Variants in MYRFL observed in about 807,000 individuals in gnomAD.
The protein encoded by MYRFL is myelin regulatory factor-like protein.
Under a neutral mutation model 109.4 loss-of-function variants are expected in MYRFL, and 88 were observed. That is an observed-to-expected ratio of 0.80 (90% confidence interval 0.68 to 0.96). The LOEUF (loss-of-function observed/expected upper bound fraction) is 0.96, where lower values mean the gene tolerates loss of function less well. Among genes scored for constraint, MYRFL ranks in the 40% least tolerant of loss-of-function variants. The pLI is 0.00. For synonymous variants in MYRFL, 324 were observed against 320.9 expected (o/e 1.01, Z -0.10); for missense variants, 957 against 954.9 (o/e 1.00, Z -0.03).
chr12:69,957,367 A>C (rs1956119666), intron 22 of MYRFL, among the ~76,000 whole-genome samples: 1 of 152,224 alleles, frequency 6.6e-6, no homozygotes, highest in Non-Finnish European at 1.5e-5. Context: ...AATATATCCA[A>C]AAATTATAAA....
In MYRFL at chr12:69,825,308, T is replaced by C. The variant is rs1592664429; in HGVS notation, c.-210T>C. 1.4e-6 allele frequency: 1 copy of C among 693,366 alleles called. No individual in the cohort carries two copies. Among genetic ancestry groups the C allele is most frequent in the East Asian group, 2.7e-5 (1 of 37,000 alleles). 43.0% of individuals were successfully genotyped at this position (693,366 alleles called of 1,614,324 possible). ...CATGAATTTTTTTTAAATGTATGGT[T>C]GTATATCCTTCCAGTTTTATAATCA... On this transcript the variant is annotated 5_prime_UTR_variant, in exon 1 of 25. Transcript: ENST00000552032.
intron 13 of MYRFL, among the ~76,000 whole-genome samples, chr12:69,920,734 C>T (rs1481703510): frequency 3.3e-5 from 5 of 152,114 alleles, no homozygotes; most frequent in Non-Finnish European, 5.9e-5. Context: ...GAGCATGGAG[C>T]GTGAAGAGGG....
chr12:69,909,253 C>T (rs1398351306), intron 11 of MYRFL, among the ~76,000 whole-genome samples: 1 of 152,202 alleles, frequency 6.6e-6, no homozygotes, highest in East Asian at 1.9e-4. Context: ...TCTTTCACAA[C>T]CAGTCCAACT....
intron 2 of MYRFL, among the ~76,000 whole-genome samples, chr12:69,859,867 C>T (rs1884530232): frequency 6.6e-6 from 1 of 152,150 alleles, no homozygotes; most frequent in Non-Finnish European, 1.5e-5. Flanking sequence ...TGTGGCAATT[C>T]CTCAGGCATC....
intron 10 of MYRFL, 150 bp from the exon 11 acceptor site, chr12:69,903,494 A>T (rs1954254959): frequency 2.3e-6 from 2 of 883,648 alleles, no homozygotes; most frequent in African/African-American, 1.7e-5. Flanking sequence ...CCCCGGAATT[A>T]CTTGGATATG....
intron 2 of MYRFL, among the ~76,000 whole-genome samples, chr12:69,873,322 C>G (rs1250375009): frequency 6.6e-6 from 1 of 152,144 alleles, no homozygotes; most frequent in Non-Finnish European, 1.5e-5. Flanking sequence ...CTGCATCCGT[C>G]CTGGGCTGCA....
At chr12:69,847,379 C>T (rs1883621482) in intron 1 of MYRFL, among the ~76,000 whole-genome samples, 1 of 152,084 alleles carries the variant, frequency 6.6e-6, no homozygotes. Context: ...ATTCATTCAA[C>T]AAATATTGTT....
At chr12:69,840,453 C>G (rs1052264735) in intron 1 of MYRFL, among the ~76,000 whole-genome samples, 2 of 152,090 alleles carry the variant, frequency 1.3e-5, no homozygotes, top group African/African-American at 4.8e-5. Context: ...CTCTCTACTC[C>G]CCAAGTTGTA....
intron 1 of MYRFL, among the ~76,000 whole-genome samples, chr12:69,839,059 G>T (rs978755077): frequency 6.6e-6 from 1 of 152,092 alleles, no homozygotes; most frequent in African/African-American, 2.4e-5. Flanking sequence ...AATGAAGGAT[G>T]GATTCATCTG....
At position 69,856,289 on chromosome 12, in the gene MYRFL, G is replaced by C. The variant is rs553842870; in HGVS notation, c.137+919G>C. ...TACCTTTAAGTGATTATAACAGCTTGTTTAGCCATTTATCTGTTCAAGGAC... is the reference window on the plus strand; with the variant it reads ...TACCTTTAAGTGATTATAACAGCTTCTTTAGCCATTTATCTGTTCAAGGAC... On this transcript the variant is annotated intron_variant, in intron 2 of 24. Coordinates refer to ENST00000552032, the MANE Select transcript of MYRFL (RefSeq NM_182530.3). Among the ~76,000 whole-genome samples, 6 of 152,202 alleles carry C rather than the reference G, an allele frequency of 3.9e-5. No homozygotes were observed. The South Asian group carries it at 1.0e-3, about 26-fold the overall frequency.
rs1479325483 is a variant in MYRFL at position 69,936,133 on chromosome 12, T to C, written c.1937T>C (p.Leu646Pro). The stretch of plus-strand genomic sequence containing the variant: ...GACAGTGCTTTGACGATAGTTGCCC[T>C]CTATATACTTAGCTTAAAAGATCAA... ...MAFCALTIVALYILSLKDQDR... is the reference protein window; with the variant it reads ...MAFCALTIVAPYILSLKDQDR... The change falls in exon 17 of 25, where the codon CTC becomes CCC. Residue 646 changes from leucine to proline, a missense_variant. Transcript: ENST00000552032. 5.2e-6 allele frequency: 5 copies of C among 957,990 alleles called. No individual in the cohort carries two copies. Among genetic ancestry groups the C allele is most frequent in the Admixed American group, 2.4e-5 (1 of 41,146 alleles). The allele number at this position is 957,990 out of a possible 1,614,324, so 59.3% of individuals were successfully genotyped here. A position where few individuals can be genotyped will look rare whatever the true frequency, so the allele number is the denominator to read the frequency against.
At chr12:69,915,169 T>C (rs1431137931) in intron 13 of MYRFL, among the ~76,000 whole-genome samples, 1 of 152,176 alleles carries the variant, frequency 6.6e-6, no homozygotes, top group East Asian at 1.9e-4. Flanking sequence ...AAGCAGTATG[T>C]ACAGCGAGCC....
chr12:69,863,285 C>G (rs968642786), intron 2 of MYRFL, among the ~76,000 whole-genome samples: 1 of 152,122 alleles, frequency 6.6e-6, no homozygotes, highest in Non-Finnish European at 1.5e-5. Context: ...AGGGAGGGTT[C>G]CCTCTTTTTC....
intron 15 of MYRFL, among the ~76,000 whole-genome samples, chr12:69,931,235 C>T (rs1401389798): frequency 1.3e-5 from 2 of 152,044 alleles, no homozygotes; most frequent in African/African-American, 2.4e-5. Context: ...AAGCACTTAC[C>T]CTGAGACTAA....
chr12:69,829,115 T>G (rs1227668833), intron 1 of MYRFL, among the ~76,000 whole-genome samples: 1 of 151,978 alleles, frequency 6.6e-6, no homozygotes, highest in Non-Finnish European at 1.5e-5. Flanking sequence ...TCTGGCTCAC[T>G]TGTTGAGGTT....
chr12:69,923,817 G>C (rs1393188267), intron 13 of MYRFL, among the ~76,000 whole-genome samples: 2 of 151,798 alleles, frequency 1.3e-5, no homozygotes, highest in Admixed American at 1.3e-4. Context: ...TACCCAATTA[G>C]GCTTATTTGT....
At chr12:69,859,200 A>G (rs1884487195) in intron 2 of MYRFL, among the ~76,000 whole-genome samples, 1 of 152,140 alleles carries the variant, frequency 6.6e-6, no homozygotes, top group Non-Finnish European at 1.5e-5. Context: ...TAATTCCATT[A>G]TGAACAGAGA....
Position 69,909,995 on chromosome 12 carries a change from A to C in MYRFL, c.1410A>C (p.Arg470Ser). The change falls in exon 12 of 25, where the codon AGA becomes AGC. Residue 470 changes from arginine (R) to serine (S), a missense_variant. Coordinates refer to ENST00000552032, the MANE Select transcript of MYRFL (RefSeq NM_182530.3). Reference sequence around the variant, plus strand: ...TTGACACGAATGAACAGCTGAAAAGAATAGCCCAAATGAGAATTGTTGAAT... The same window carrying C: ...TTGACACGAATGAACAGCTGAAAAGCATAGCCCAAATGAGAATTGTTGAAT... ...QEVDTNEQLK[R>S]IAQMRIVEYD... 1 of 1,533,756 alleles carries C rather than the reference A, an allele frequency of 6.5e-7. No homozygotes were observed. Among genetic ancestry groups the C allele is most frequent in the Non-Finnish European group, 8.7e-7 (1 of 1,146,198 alleles).
intron 5 of MYRFL, among the ~76,000 whole-genome samples, chr12:69,881,566 G>A (rs73130096): frequency 0.15 from 22,615 of 152,246 alleles, 2,176 homozygotes; most frequent in Non-Finnish European, 0.22. Context: ...GACCTTTGGC[G>A]TCAGCTCCAG....
Sources: allele counts gnomAD v4.1 joint callset (sites outside exome capture counted in the v4.1 genomes callset), GRCh38; gene constraint gnomAD v4.1.1; transcripts MANE v1.5; gene names NCBI Gene and HGNC (gene_info 2026-07-23, HGNC 2026-07-21).